The following UBE3D variants were observed in gnomAD, a reference collection of about 807,000 sequenced individuals.
UBE3D encodes the protein E3 ubiquitin-protein ligase E3D.
A neutral mutation model predicts 49.6 loss-of-function variants in UBE3D; 48 were observed. That is an observed-to-expected ratio of 0.97 (90% CI 0.77 to 1.23). UBE3D has a LOEUF of 1.23. UBE3D is among the 50% of genes most tolerant of loss of function. The pLI is 0.00. For synonymous variants in UBE3D, 189 were observed against 174.2 expected, an observed-to-expected ratio of 1.08 and a Z score of -0.67; for missense variants, 452 against 468.4, an observed-to-expected ratio of 0.96 and a Z score of 0.32.
chr6:82,958,242 CA>C (rs1465397307), intron 8 of UBE3D, among the ~76,000 whole-genome samples: 4 of 151,930 alleles, frequency 2.6e-5, no homozygotes, highest in African/African-American at 7.2e-5. Context: ...AGGGAAACAT[CA>C]AAAAATAATT....
In UBE3D at chr6:82,948,755, G is replaced by A. The variant is rs547400825; in HGVS notation, c.1149+8557C>T. Among the ~76,000 whole-genome samples the A allele has an allele frequency of 7.9e-5, 12 of 151,972 alleles. No individual in the cohort carries two copies. In the East Asian group the frequency reaches 2.3e-3, roughly 29 times the overall value. ...GAGATATCATATCAACAGAATGAAG[G>A]CCAAAAACCACATAAACATTTCAAT... On this transcript the variant is annotated intron_variant, in intron 9 of 9. Coordinates refer to ENST00000369747, the MANE Select transcript of UBE3D (RefSeq NM_198920.3).
At chr6:83,044,681 A>G (rs1376358494) in intron 3 of UBE3D, 22 bp from the exon 4 acceptor site, 6 of 1,567,948 alleles carry the variant, frequency 3.8e-6, no homozygotes, top group Non-Finnish European at 3.5e-6. Context: ...AGGAAAAATC[A>G]TTTTTCACAG....
intron 8 of UBE3D, among the ~76,000 whole-genome samples, chr6:82,990,457 T>C (rs1314976583): frequency 1.3e-5 from 2 of 151,854 alleles, no homozygotes; most frequent in African/African-American, 2.4e-5. Context: ...TTTGTATTTT[T>C]AGTAGAGACA....
At chr6:82,961,753 G>A (rs1489401705) in intron 8 of UBE3D, among the ~76,000 whole-genome samples, 1 of 151,986 alleles carries the variant, frequency 6.6e-6, no homozygotes, top group African/African-American at 2.4e-5. Context: ...CCTGAGGTCG[G>A]GAGTTCGAGA....
chr6:82,911,886 C>G (rs1233078583), intron 9 of UBE3D, among the ~76,000 whole-genome samples: 1 of 152,170 alleles, frequency 6.6e-6, no homozygotes, highest in African/African-American at 2.4e-5. Context: ...AGGCTGGACA[C>G]TCTTCCTGTG....
In UBE3D at chr6:82,905,239, T is replaced by C. The variant is rs188997190; in HGVS notation, c.1150-12197A>G. Among the ~76,000 whole-genome samples, 195 of 152,338 alleles carry C rather than the reference T, an allele frequency of 1.3e-3. 2 individuals carry two copies. The highest frequency in any genetic ancestry group is 4.3e-3 in the African/African-American group (177 of 41,582). Reference sequence around the variant, plus strand: ...TTGCAGTAACCCTGCATTAAGCAAGTCTACTGGCCCCCATTTTTCCAACAA... The same window carrying C: ...TTGCAGTAACCCTGCATTAAGCAAGCCTACTGGCCCCCATTTTTCCAACAA... On this transcript the variant is annotated intron_variant, in intron 9 of 9. Transcript: ENST00000369747.
At chr6:82,926,901 T>C (rs548963434) in intron 9 of UBE3D, among the ~76,000 whole-genome samples, 1 of 152,264 alleles carries the variant, frequency 6.6e-6, no homozygotes, top group East Asian at 1.9e-4. Context: ...GGTATGCCTT[T>C]GCACTGTATC....
chr6:82,942,137 A>G (rs1388212663), intron 9 of UBE3D, among the ~76,000 whole-genome samples: 1 of 152,216 alleles, frequency 6.6e-6, no homozygotes, highest in Non-Finnish European at 1.5e-5. Context: ...AGTGATATGA[A>G]GAATGAAGTC....
intron 8 of UBE3D, among the ~76,000 whole-genome samples, chr6:83,008,410 A>G (rs1253086710): frequency 6.6e-6 from 1 of 152,224 alleles, no homozygotes; most frequent in Non-Finnish European, 1.5e-5. Context: ...TGATATATGA[A>G]ATAAATTATT....
chr6:82,994,049 A>G (rs539689217), intron 8 of UBE3D, among the ~76,000 whole-genome samples: 17 of 152,342 alleles, frequency 1.1e-4, no homozygotes, highest in African/African-American at 3.6e-4. Flanking sequence ...AATAACACAC[A>G]CTAGGGAAAC....
At chr6:83,007,514 C>T (rs1780058260) in intron 8 of UBE3D, among the ~76,000 whole-genome samples, 1 of 152,166 alleles carries the variant, frequency 6.6e-6, no homozygotes. Context: ...CTATGAAATT[C>T]TTCACCAGTA....
Position 83,022,561 on chromosome 6 carries a change from C to A in UBE3D, c.738G>T (p.Arg246Ser). 6.4e-7 allele frequency: 1 copy of A among 1,563,206 alleles called. No individual in the cohort carries two copies. Residue 246 changes from arginine to serine, a missense_variant and splice_region_variant, in exon 7 of 10, where the codon AGG (arginine) becomes AGT (serine). Arg to Ser is a moderately radical substitution (Grantham distance 110, BLOSUM62 -1). Coordinates refer to ENST00000369747, the MANE Select transcript of UBE3D (RefSeq NM_198920.3). Reference protein sequence around the residue: ...SSERSFPIIPRSWFVQSVIAQ... With the variant: ...SSERSFPIIPSSWFVQSVIAQ... ...CGATCACGCTCTGGACAAACCAAGACCTGTTTGAACAGAAATCAATTTTTA... is the reference window on the plus strand; with the variant it reads ...CGATCACGCTCTGGACAAACCAAGAACTGTTTGAACAGAAATCAATTTTTA...
chr6:82,985,654 A>AC (rs1249146427), intron 8 of UBE3D, among the ~76,000 whole-genome samples: 8 of 152,096 alleles, frequency 5.3e-5, no homozygotes, highest in Admixed American at 5.2e-4. Context: ...CAGCCACTGC[A>AC]CCCGGCCATG....
At chr6:83,015,873 T>C (rs1421084220) in intron 8 of UBE3D, among the ~76,000 whole-genome samples, 2 of 152,130 alleles carry the variant, frequency 1.3e-5, no homozygotes, top group East Asian at 1.9e-4. Flanking sequence ...GGAGGGGACA[T>C]TGCCACTACT....
intron 9 of UBE3D, among the ~76,000 whole-genome samples, chr6:82,916,391 A>G (rs1455261603): frequency 6.6e-6 from 1 of 152,244 alleles, no homozygotes; most frequent in Non-Finnish European, 1.5e-5. Context: ...TTACATTAAT[A>G]CATCTTAACT....
intron 8 of UBE3D, among the ~76,000 whole-genome samples, chr6:82,978,926 G>A (rs961100238): frequency 3.9e-5 from 6 of 152,008 alleles, no homozygotes; most frequent in Non-Finnish European, 8.8e-5. Flanking sequence ...ATTCTACTCT[G>A]AAGAATGAAA....
At chr6:82,983,904 A>C (rs953163805) in intron 8 of UBE3D, among the ~76,000 whole-genome samples, 3 of 152,178 alleles carry the variant, frequency 2.0e-5, no homozygotes, top group Non-Finnish European at 4.4e-5. Flanking sequence ...TATGACACCA[A>C]TTCTACATGC....
rs745670673 is a variant in UBE3D, at chr6:83,032,303, T to C, written c.667+6113A>G. On this transcript the variant is annotated intron_variant, in intron 5 of 9. Coordinates refer to ENST00000369747, the MANE Select transcript of UBE3D (RefSeq NM_198920.3). ...TGGGAGCCCACCTCTTGCATCAGCA[T>C]GACCTGGATGTGAGACATGAAGTCA... The C allele has an allele frequency of 5.9e-5, 27 of 454,674 alleles. No homozygotes were observed. In the Admixed American group the frequency reaches 6.3e-4, roughly 11 times the overall value. The allele number at this position is 454,674 out of a possible 1,614,324, so 28.2% of individuals were successfully genotyped here. A position where few individuals can be genotyped will look rare whatever the true frequency, so the allele number is the denominator to read the frequency against.
intron 3 of UBE3D, among the ~76,000 whole-genome samples, chr6:83,053,694 GCT>G (rs1783624696): frequency 6.6e-6 from 1 of 152,192 alleles, no homozygotes; most frequent in Non-Finnish European, 1.5e-5. Flanking sequence ...TGCTCTGTAT[GCT>G]CTGTTTTAAT....
Sources: allele counts gnomAD v4.1 joint callset (sites outside exome capture counted in the v4.1 genomes callset), GRCh38; gene constraint gnomAD v4.1.1; transcripts MANE v1.5; gene names NCBI Gene and HGNC (gene_info 2026-07-23, HGNC 2026-07-21).